The following UGT2A2 variants were observed in gnomAD, a reference collection of about 807,000 sequenced individuals.
The protein encoded by UGT2A2 is UDP-glucuronosyltransferase 2A2.
In UGT2A2, 60 loss-of-function variants were observed where a neutral mutation model predicts 50.7. That is an observed-to-expected ratio of 1.18 (90% CI 0.96 to 1.47). The LOEUF is 1.47. UGT2A2 is among the 40% of genes most tolerant of loss of function. The probability of loss-of-function intolerance (pLI) is 0.00; values close to 1 mark genes in which losing one functional copy is unlikely to be tolerated. For missense variants in UGT2A2, 762 were observed against 634.0 expected, an observed-to-expected ratio of 1.20 and a Z score of -2.17; for synonymous variants, 242 against 214.6, an observed-to-expected ratio of 1.13 and a Z score of -1.11.
At chr4:69,601,702 A>C (rs779117624) in intron 1 of UGT2A2, among the ~76,000 whole-genome samples, 1 of 151,844 alleles carries the variant, frequency 6.6e-6, no homozygotes, top group Non-Finnish European at 1.5e-5. Context: ...CACAAAGTCT[A>C]TGTAACTCCC....
intron 2 of UGT2A2, 128 bp downstream of exon 2, chr4:69,599,118 A>G: frequency 7.3e-7 from 1 of 1,364,644 alleles, no homozygotes; most frequent in South Asian, 1.7e-5. Flanking sequence ...TATCACAAGG[A>G]AAATAGATGT....
At chr4:69,633,820 A>G (rs1391046333) in intron 1 of UGT2A2, among the ~76,000 whole-genome samples, 1 of 152,188 alleles carries the variant, frequency 6.6e-6, no homozygotes, top group African/African-American at 2.4e-5. Flanking sequence ...AAGCGGATGA[A>G]AGAGGAGTTA....
intron 1 of UGT2A2, among the ~76,000 whole-genome samples, chr4:69,604,060 C>G (rs1481716874): frequency 7.3e-6 from 1 of 136,102 alleles, no homozygotes; most frequent in Non-Finnish European, 1.6e-5. Context: ...TCAGGAAATA[C>G]AGAGAACGCC....
At position 69,637,884 on chromosome 4, in the gene UGT2A2, A is replaced by G. The variant is rs565946635; in HGVS notation, c.742+1015T>C. 4.6e-5 allele frequency among the ~76,000 whole-genome samples: 7 copies of G among 151,738 alleles called. No homozygotes were observed. The South Asian group carries it at 1.0e-3, about 23-fold the overall frequency. On this transcript the variant is annotated intron_variant, in intron 1 of 5. Transcript: ENST00000604629. Reference sequence around the variant, plus strand: ...CAAGAGAGAATGAAGGAAGAAAAGTAAAAAAGGAAGGAAGGCAAGAAGGAA... The same window carrying G: ...CAAGAGAGAATGAAGGAAGAAAAGTGAAAAAGGAAGGAAGGCAAGAAGGAA...
chr4:69,590,542 G>T (rs1718528363), intron 5 of UGT2A2, among the ~76,000 whole-genome samples: 1 of 152,046 alleles, frequency 6.6e-6, no homozygotes, highest in South Asian at 2.1e-4. Flanking sequence ...GTGTTGGCAG[G>T]ACATTGTTAG....
In UGT2A2 at chr4:69,589,480, A is replaced by G. The variant is rs1042530634; in HGVS notation, c.1503T>C (p.Ile501=). 15 of 1,613,992 alleles carry G rather than the reference A, an allele frequency of 9.3e-6. No homozygotes were observed. The change falls in exon 6 of 6, where the codon ATT becomes ATC. Residue 501 remains isoleucine (I), a synonymous_variant. Coordinates refer to ENST00000604629, the MANE Select transcript of UGT2A2 (RefSeq NM_001105677.2). ...TTGTCACACAGACCAGCAAGAACCC[A>G]ATTACATCCAAAGAGTGGTACTGGA... The part of the protein sequence containing the change: ...TWFQYHSLDV[I]GFLLVCVTTA...
intron 1 of UGT2A2, among the ~76,000 whole-genome samples, chr4:69,600,809 T>TAAAA (rs34446108): frequency 0.01 from 1,463 of 145,854 alleles, 25 homozygotes; most frequent in African/African-American, 0.033. Context: ...GCTATACACT[T>TAAAA]AAAAAAAAAA....
intron 1 of UGT2A2, among the ~76,000 whole-genome samples, chr4:69,600,524 CT>C (rs753830259): frequency 5.3e-5 from 8 of 152,180 alleles, no homozygotes; most frequent in Non-Finnish European, 1.0e-4. Flanking sequence ...GACATCCCTA[CT>C]TTAGAGGAGC....
At chr4:69,613,609 T>G (rs758761470) in intron 1 of UGT2A2, among the ~76,000 whole-genome samples, 4 of 151,940 alleles carry the variant, frequency 2.6e-5, no homozygotes, top group Non-Finnish European at 4.4e-5. Flanking sequence ...CAACAACATA[T>G]TAAAAAGATC....
At chr4:69,607,509 G>T (rs1363490796) in intron 1 of UGT2A2, among the ~76,000 whole-genome samples, 1 of 151,726 alleles carries the variant, frequency 6.6e-6, no homozygotes, top group Non-Finnish European at 1.5e-5. Context: ...ATAGGCATGG[G>T]CAAGGACTTC....
intron 1 of UGT2A2, among the ~76,000 whole-genome samples, chr4:69,613,233 A>C (rs1209852387): frequency 6.6e-6 from 1 of 151,888 alleles, no homozygotes; most frequent in Non-Finnish European, 1.5e-5. Context: ...GAATAGAATA[A>C]CTAGAAGTAA....
chr4:69,618,995 C>A (rs987988793), intron 1 of UGT2A2, among the ~76,000 whole-genome samples: 1 of 151,298 alleles, frequency 6.6e-6, no homozygotes, highest in African/African-American at 2.4e-5. Context: ...TTTAATTATG[C>A]AATAATATAT....
In UGT2A2 at chr4:69,639,254, T is replaced by C. The variant is rs1177639632; in HGVS notation, c.387A>G (p.Gln129=). The change falls in exon 1 of 6, where the codon CAA becomes CAG. Residue 129 remains glutamine, a synonymous_variant. Transcript: ENST00000604629. ...CACCATCACAGAGTTGTATGTTAAT[T>C]TGAAAGAAAGTGTCTAGAAGTTTTC... The part of the protein sequence containing the change: ...ELGKLLDTFF[Q]INIQLCDGVL... 6.2e-7 allele frequency: 1 copy of C among 1,613,694 alleles called. No individual in the cohort carries two copies. Among genetic ancestry groups the C allele is most frequent in the Non-Finnish European group, 8.5e-7 (1 of 1,179,740 alleles).
chr4:69,616,299 A>G (rs1320290985), intron 1 of UGT2A2, among the ~76,000 whole-genome samples: 1 of 151,968 alleles, frequency 6.6e-6, no homozygotes, highest in African/African-American at 2.4e-5. Flanking sequence ...GTTAGAATGA[A>G]AAAATCTAGT....
At chr4:69,636,392 C>T (rs1250011425) in intron 1 of UGT2A2, among the ~76,000 whole-genome samples, 1 of 152,124 alleles carries the variant, frequency 6.6e-6, no homozygotes, top group Non-Finnish European at 1.5e-5. Context: ...CAGTTCTTCA[C>T]AGTATACCTT....
At chr4:69,612,283 C>A (rs960041344) in intron 1 of UGT2A2, among the ~76,000 whole-genome samples, 1 of 151,848 alleles carries the variant, frequency 6.6e-6, no homozygotes, top group African/African-American at 2.4e-5. Context: ...TGGAAGATAG[C>A]TCATGAGTTG....
At position 69,605,395 on chromosome 4, in the gene UGT2A2, C is replaced by G. The variant is rs1231578226; in HGVS notation, c.743-6001G>C. ...TAACGACAACAAAGACACAACATACCAGAATCTCTGGGACACATTCAAAGC... is the reference window on the plus strand; with the variant it reads ...TAACGACAACAAAGACACAACATACGAGAATCTCTGGGACACATTCAAAGC... On this transcript the variant is annotated intron_variant, in intron 1 of 5. Transcript: ENST00000604629. 1.5e-5 allele frequency among the ~76,000 whole-genome samples: 2 copies of G among 136,620 alleles called. 1 individual carries two copies. Among genetic ancestry groups the G allele is most frequent in the Non-Finnish European group, 3.1e-5 (2 of 64,288 alleles). 89.6% of individuals were successfully genotyped at this position (136,620 alleles called of 152,430 possible). A position where few individuals can be genotyped will look rare whatever the true frequency, so the allele number is the denominator to read the frequency against.
In UGT2A2 at chr4:69,589,272, A is replaced by T; in HGVS notation, c.*100T>A. On this transcript the variant is annotated 3_prime_UTR_variant, in exon 6 of 6. Coordinates refer to ENST00000604629, the MANE Select transcript of UGT2A2 (RefSeq NM_001105677.2). ...AGAAAATTTGGAAACAGGATGGGAG[A>T]CGTGTTTTTGTTAAACTCCTTTTGT... is the stretch of plus-strand genomic sequence containing the variant. 1 of 1,368,474 alleles carries T rather than the reference A, an allele frequency of 7.3e-7. No homozygotes were observed. Among genetic ancestry groups the T allele is most frequent in the Non-Finnish European group, 9.6e-7 (1 of 1,039,400 alleles). The allele number at this position is 1,368,474 out of a possible 1,614,324, so 84.8% of individuals were successfully genotyped here.
chr4:69,624,995 T>C (rs1720960924), intron 1 of UGT2A2, among the ~76,000 whole-genome samples: 2 of 135,154 alleles, frequency 1.5e-5, no homozygotes, highest in African/African-American at 5.7e-5. Flanking sequence ...TCTTGGTTCT[T>C]GTAGCAACAA....
Sources: allele counts gnomAD v4.1 joint callset (sites outside exome capture counted in the v4.1 genomes callset), GRCh38; gene constraint gnomAD v4.1.1; transcripts MANE v1.5; gene names NCBI Gene and HGNC (gene_info 2026-07-23, HGNC 2026-07-21).